The following RPS6KA2 variants were observed in gnomAD, a reference collection of about 807,000 sequenced individuals.
RPS6KA2 encodes ribosomal protein S6 kinase A2, also known as ribosomal protein S6 kinase alpha-2.
In RPS6KA2, 42 loss-of-function variants were observed where a neutral mutation model predicts 91.8. The observed-to-expected ratio is 0.46, with a 90% CI of 0.36 to 0.59. The LOEUF (loss-of-function observed/expected upper bound fraction) is 0.59, where lower values mean the gene tolerates loss of function less well. Ranked by LOEUF, RPS6KA2 falls within the 20% of genes least tolerant of loss-of-function variation. The pLI, the probability that RPS6KA2 is intolerant of heterozygous loss-of-function variation, is 0.00. For missense variants in RPS6KA2, 798 were observed against 978.5 expected (o/e 0.82, Z 2.46); for synonymous variants, 414 against 393.6 (o/e 1.05, Z -0.61).
Position 166,554,616 on chromosome 6 carries a change from G to A in RPS6KA2, c.100-15832C>T, listed in dbSNP as rs75654577. 2.0e-5 allele frequency among the ~76,000 whole-genome samples: 3 copies of A among 152,224 alleles called. No individual in the cohort carries two copies. The highest frequency in any genetic ancestry group is 2.9e-5 in the Non-Finnish European group (2 of 68,036). On this transcript the variant is annotated intron_variant, in intron 1 of 20. Transcript: ENST00000265678. The surrounding 1 kb of genome is among the most constrained non-coding windows in gnomAD (Gnocchi z 4.3). Reference sequence around the variant, plus strand: ...GCGGCTGGCACGCGGGTGGCCATGGGGGGGTGGGGGTCCCACTCCAGCACA... The same window carrying A: ...GCGGCTGGCACGCGGGTGGCCATGGAGGGGTGGGGGTCCCACTCCAGCACA...
At chr6:166,807,878 C>T (rs188422250) in intron 2 of RPS6KA2, among the ~76,000 whole-genome samples, 13 of 152,272 alleles carry the variant, frequency 8.5e-5, no homozygotes, top group Non-Finnish European at 1.6e-4. Flanking sequence ...CTTATCCTGC[C>T]GCACTGATTT....
chr6:166,534,986 G>A (rs1783434699), intron 2 of RPS6KA2, among the ~76,000 whole-genome samples: 1 of 152,222 alleles, frequency 6.6e-6, no homozygotes, highest in African/African-American at 2.4e-5. Context: ...GTGCCGTGCA[G>A]TTCCCTCTCC....
intron 2 of RPS6KA2, among the ~76,000 whole-genome samples, chr6:166,633,714 GTTATAA>G (rs1462899065): frequency 2.6e-5 from 4 of 152,192 alleles, no homozygotes; most frequent in Non-Finnish European, 2.9e-5. Flanking sequence ...TATAATTACA[GTTATAA>G]TTATAGGATG....
At chr6:166,696,080 G>A (rs1412964628) in intron 2 of RPS6KA2, among the ~76,000 whole-genome samples, 4 of 152,138 alleles carry the variant, frequency 2.6e-5, no homozygotes, top group East Asian at 1.9e-4. Context: ...TGTCTTCCAC[G>A]AAACCGGTCC....
intron 2 of RPS6KA2, among the ~76,000 whole-genome samples, chr6:166,775,021 C>T (rs187236171): frequency 2.2e-4 from 34 of 152,130 alleles, no homozygotes; most frequent in African/African-American, 8.0e-4. Context: ...TGTGACCTGC[C>T]CAGCCTGCAC....
intron 1 of RPS6KA2, among the ~76,000 whole-genome samples, chr6:166,590,124 C>T (rs1785309054): frequency 6.6e-6 from 1 of 152,158 alleles, no homozygotes; most frequent in African/African-American, 2.4e-5. Flanking sequence ...CTGGAATTGG[C>T]AAGCATCATC....
At chr6:166,478,836 ACTG>A (rs1464670389) in intron 10 of RPS6KA2, among the ~76,000 whole-genome samples, 1 of 152,144 alleles carries the variant, frequency 6.6e-6, no homozygotes, top group Non-Finnish European at 1.5e-5. Flanking sequence ...CCCATCAGGC[ACTG>A]CTCTGCCTCC....
At chr6:166,764,861 C>T (rs888361810) in intron 2 of RPS6KA2, among the ~76,000 whole-genome samples, 4 of 152,232 alleles carry the variant, frequency 2.6e-5, no homozygotes, top group African/African-American at 4.8e-5. Context: ...CACTACACAA[C>T]GTGTGTGTGT....
intron 2 of RPS6KA2, among the ~76,000 whole-genome samples, chr6:166,832,188 T>G (rs935484023): frequency 6.6e-6 from 1 of 152,152 alleles, no homozygotes; most frequent in African/African-American, 2.4e-5. Context: ...TGGGAGTATT[T>G]TTAATGAAGT....
intron 2 of RPS6KA2, among the ~76,000 whole-genome samples, chr6:166,824,651 GTGTGTGTGTGTCTA>G (rs1211602280): frequency 7.2e-6 from 1 of 139,602 alleles, no homozygotes; most frequent in African/African-American, 2.5e-5. Flanking sequence ...ATGTCTGTGT[GTGTGTGTGTGTCTA>G]TGTGTGTGTC....
chr6:166,473,257 C>T (rs1241291939), intron 10 of RPS6KA2, among the ~76,000 whole-genome samples: 6 of 151,888 alleles, frequency 4.0e-5, no homozygotes, highest in South Asian at 4.2e-4. Flanking sequence ...GTGGCATGAT[C>T]GTGACTCACT....
At chr6:166,632,218 G>A (rs908458533), upstream of RPS6KA2, among the ~76,000 whole-genome samples, 22 of 152,146 alleles carry the variant, frequency 1.4e-4, no homozygotes, top group South Asian at 2.1e-4. Context: ...TGTGTTGCCC[G>A]CAGGTAGCTA....
At position 166,737,905 on chromosome 6, in the gene RPS6KA2, A is replaced by G. The variant is rs1790712732; in HGVS notation, c.123+120295T>C. 6.6e-6 allele frequency among the ~76,000 whole-genome samples: 1 copy of G among 152,282 alleles called. No individual in the cohort carries two copies. The highest frequency in any genetic ancestry group is 1.9e-4 in the East Asian group (1 of 5,208). ...AGCTATTTCTCATTGTGAAAGAAAT[A>G]AAACATACAGAAAAGTATACAAAGT... On this transcript the variant is annotated intron_variant, in intron 2 of 21. Coordinates refer to the RPS6KA2 transcript ENST00000503859. The surrounding 1 kb of genome is among the most constrained non-coding windows in gnomAD (Gnocchi z 4.3).
intron 2 of RPS6KA2, among the ~76,000 whole-genome samples, chr6:166,813,282 C>T (rs746869436): frequency 2.7e-4 from 41 of 152,128 alleles, no homozygotes; most frequent in Admixed American, 4.6e-4. Flanking sequence ...CTGGAAGAGC[C>T]GCCCACTGCT....
chr6:166,794,745 T>C (rs1401268695), intron 2 of RPS6KA2, among the ~76,000 whole-genome samples: 2 of 149,620 alleles, frequency 1.3e-5, no homozygotes, highest in Non-Finnish European at 2.9e-5. Flanking sequence ...CTCAGCAAAC[T>C]ATTGCAAGAG....
At chr6:166,790,087 CA>C (rs1161445533) in intron 2 of RPS6KA2, among the ~76,000 whole-genome samples, 2 of 151,922 alleles carry the variant, frequency 1.3e-5, no homozygotes, top group African/African-American at 4.8e-5. Context: ...AAATTCACAC[CA>C]ATGGCAAAGA....
At position 166,789,037 on chromosome 6, in the gene RPS6KA2, G is replaced by C. The variant is rs1779006339; in HGVS notation, c.123+69163C>G. 2.0e-5 allele frequency among the ~76,000 whole-genome samples: 3 copies of C among 152,148 alleles called. No individual in the cohort carries two copies. The South Asian group carries it at 6.2e-4, about 32-fold the overall frequency. ...CAGGACAGCGGGTGCAGCATACCGT[G>C]CGCGAGCTGAAGCAGGGCGAGGCAT... On this transcript the variant is annotated intron_variant, in intron 2 of 21. Coordinates refer to the RPS6KA2 transcript ENST00000503859.
chr6:166,823,150 A>G (rs1050889174), intron 2 of RPS6KA2, among the ~76,000 whole-genome samples: 8 of 152,214 alleles, frequency 5.3e-5, no homozygotes, highest in Admixed American at 1.3e-4. Context: ...GACCATGTTC[A>G]AGGATGCAAT....
chr6:166,702,749 C>T, intron 2 of RPS6KA2: 1 of 1,235,306 alleles, frequency 8.1e-7, no homozygotes, highest in Non-Finnish European at 1.2e-6. Context: ...AGGAAGGGTC[C>T]CGACACGGGG....
Sources: gnomAD v4.1 joint callset for allele counts (sites outside exome capture counted in the v4.1 genomes callset) on GRCh38, gnomAD v4.1.1 for gene constraint, Gnocchi (gnomAD v3.1) non-coding constraint, MANE v1.5 for transcripts, NCBI Gene and HGNC (gene_info 2026-07-23, HGNC 2026-07-21) for gene names.